Variants in VEGFC observed in about 807,000 individuals in gnomAD.
The protein encoded by VEGFC is FLT4 ligand DHM.
In VEGFC, 12 loss-of-function variants were observed where a neutral mutation model predicts 46.1. The ratio of observed to expected loss-of-function variants is 0.26; its 90% CI spans 0.17 to 0.42. The LOEUF is 0.42. VEGFC is among the 10% of genes least tolerant of loss of function. VEGFC has a pLI of 1.00. For synonymous variants in VEGFC, 232 were observed against 195.5 expected (o/e 1.19, Z -1.56); for missense variants, 488 against 529.4 (o/e 0.92, Z 0.77).
At chr4:176,786,552 T>A (rs986553032) in intron 1 of VEGFC, among the ~76,000 whole-genome samples, 1 of 152,232 alleles carries the variant, frequency 6.6e-6, no homozygotes, top group African/African-American at 2.4e-5. Context: ...CACAAGACTC[T>A]CTTACAAAAC....
intron 1 of VEGFC, among the ~76,000 whole-genome samples, chr4:176,765,578 C>T (rs1735605916): frequency 8.3e-6 from 1 of 120,772 alleles, no homozygotes; most frequent in Non-Finnish European, 1.7e-5. Flanking sequence ...TTTTTTGAGG[C>T]AGAGTCTCGC....
At chr4:176,697,583 C>T (rs1258936606) in intron 4 of VEGFC, among the ~76,000 whole-genome samples, 3 of 150,544 alleles carry the variant, frequency 2.0e-5, no homozygotes, top group Non-Finnish European at 3.0e-5. Context: ...GTGGCGATTC[C>T]TCAGGGATCT....
chr4:176,775,288 T>C (rs765340917), intron 1 of VEGFC, among the ~76,000 whole-genome samples: 26 of 152,222 alleles, frequency 1.7e-4, no homozygotes, highest in Admixed American at 5.2e-4. Context: ...ATATGTTGTG[T>C]TCATAAATAA....
intron 3 of VEGFC, among the ~76,000 whole-genome samples, chr4:176,720,767 G>C (rs13105274): frequency 0.71 from 105,619 of 149,610 alleles, 42,998 homozygotes; most frequent in East Asian, 0.94. Context: ...CTTGAACCCA[G>C]GAGGCAGAGG....
chr4:176,716,091 A>T (rs1333695237), intron 3 of VEGFC, among the ~76,000 whole-genome samples: 2 of 152,164 alleles, frequency 1.3e-5, no homozygotes, highest in Non-Finnish European at 2.9e-5. Flanking sequence ...GTTCTTTATC[A>T]TCATTCACAT....
chr4:176,782,328 G>T (rs1735930500), intron 1 of VEGFC, among the ~76,000 whole-genome samples: 1 of 152,020 alleles, frequency 6.6e-6, no homozygotes, highest in Admixed American at 6.6e-5. Context: ...GCTGGGTGGG[G>T]TGGCACGTGC....
intron 4 of VEGFC, among the ~76,000 whole-genome samples, chr4:176,709,027 C>G (rs1368010079): frequency 6.6e-6 from 1 of 152,178 alleles, no homozygotes; most frequent in Non-Finnish European, 1.5e-5. Flanking sequence ...ATGGCTTACT[C>G]TAAGACTCAG....
At position 176,749,667 on chromosome 4, in the gene VEGFC, C is replaced by G. The variant is rs565150649; in HGVS notation, c.148-19921G>C. ...TTATAGAATATAAAATTTTCAAGAACATAAAAAATAAAATCTTAGAAAGTG... is the reference window on the plus strand; with the variant it reads ...TTATAGAATATAAAATTTTCAAGAAGATAAAAAATAAAATCTTAGAAAGTG... On this transcript the variant is annotated intron_variant, in intron 1 of 6. Transcript: ENST00000618562. Among the ~76,000 whole-genome samples, 338 of 151,614 alleles carry G rather than the reference C, an allele frequency of 2.2e-3. 1 individual carries two copies. Among genetic ancestry groups the G allele is most frequent in the Non-Finnish European group, 4.4e-3 (299 of 67,722 alleles).
chr4:176,764,130 T>C (rs1266879684), intron 1 of VEGFC, among the ~76,000 whole-genome samples: 1 of 152,114 alleles, frequency 6.6e-6, no homozygotes, highest in African/African-American at 2.4e-5. Flanking sequence ...TTTGAAGATA[T>C]AACCATAGAG....
chr4:176,724,156 T>G (rs1216173099), intron 3 of VEGFC, among the ~76,000 whole-genome samples: 1 of 152,226 alleles, frequency 6.6e-6, no homozygotes, highest in African/African-American at 2.4e-5. Flanking sequence ...ATTTGAAAAT[T>G]CCACAAGTGT....
intron 1 of VEGFC, among the ~76,000 whole-genome samples, chr4:176,741,529 C>A (rs556961970): frequency 1.4e-4 from 22 of 151,884 alleles, no homozygotes; most frequent in African/African-American, 5.1e-4. Context: ...TGTCTCAGAC[C>A]GTCAGATCTT....
intron 4 of VEGFC, among the ~76,000 whole-genome samples, chr4:176,696,871 C>T (rs1734324450): frequency 6.6e-6 from 1 of 152,064 alleles, no homozygotes; most frequent in Non-Finnish European, 1.5e-5. Context: ...CTGAGAAAAA[C>T]AAGCAATGGG....
chr4:176,765,702 C>T (rs1735608908), intron 1 of VEGFC, among the ~76,000 whole-genome samples: 1 of 151,694 alleles, frequency 6.6e-6, no homozygotes, highest in Non-Finnish European at 1.5e-5. Flanking sequence ...CTACAGGTGC[C>T]CGCCACCACA....
intron 1 of VEGFC, among the ~76,000 whole-genome samples, chr4:176,739,499 A>G (rs1735118268): frequency 6.6e-6 from 1 of 151,992 alleles, no homozygotes; most frequent in Admixed American, 6.6e-5. Context: ...GGAGCAGAAA[A>G]GCAAACACTG....
rs770289504 is a variant in VEGFC, at chr4:176,729,768, T to C, written c.148-22A>G. ...AAGCCTGTCAAAGAAAAATGCAAGA[T>C]CAATGACTTACCAGCTTAAGGGATT... On this transcript the variant is annotated intron_variant, in intron 1 of 6. Transcript: ENST00000618562. 2.6e-6 allele frequency: 4 copies of C among 1,543,546 alleles called. No homozygotes were observed. In the East Asian group the frequency reaches 9.2e-5, roughly 35 times the overall value.
intron 4 of VEGFC, among the ~76,000 whole-genome samples, chr4:176,693,866 C>A (rs187534048): frequency 6.7e-6 from 1 of 149,420 alleles, no homozygotes; most frequent in Non-Finnish European, 1.5e-5. Context: ...AATTTCATAT[C>A]CAGCCAAAAT....
At chr4:176,745,571 C>T (rs1352221052) in intron 1 of VEGFC, among the ~76,000 whole-genome samples, 4 of 152,062 alleles carry the variant, frequency 2.6e-5, no homozygotes, top group Admixed American at 6.6e-5. Context: ...GGGAAAAGTC[C>T]AGGTACTTTA....
intron 4 of VEGFC, among the ~76,000 whole-genome samples, chr4:176,688,818 C>T (rs1035167644): frequency 6.6e-6 from 1 of 152,180 alleles, no homozygotes; most frequent in South Asian, 2.1e-4. Context: ...TCAGCTTGCT[C>T]ATTTTCTCCT....
chr4:176,768,051 G>A (rs545796804), intron 1 of VEGFC, among the ~76,000 whole-genome samples: 4 of 152,252 alleles, frequency 2.6e-5, no homozygotes, highest in African/African-American at 9.6e-5. Flanking sequence ...GACCAACTCG[G>A]AGCAATTTGT....
Sources: allele counts gnomAD v4.1 joint callset (sites outside exome capture counted in the v4.1 genomes callset), GRCh38; gene constraint gnomAD v4.1.1; transcripts MANE v1.5; gene names NCBI Gene and HGNC (gene_info 2026-07-23, HGNC 2026-07-21).